The following GPSM1 variants were observed in gnomAD, a reference collection of about 807,000 sequenced individuals.
The protein encoded by GPSM1 is G protein signaling modulator 1.
GPSM1 carries 48 observed loss-of-function variants against 70.5 expected under a neutral mutation model. The observed-to-expected ratio is 0.68, with a 90% CI of 0.54 to 0.87. The LOEUF (loss-of-function observed/expected upper bound fraction) is 0.87. Among genes scored for constraint, GPSM1 ranks in the 40% least tolerant of loss-of-function variants. The probability of loss-of-function intolerance (pLI) is 0.00; values close to 1 mark genes in which losing one functional copy is unlikely to be tolerated. For synonymous variants in GPSM1, 416 were observed against 430.1 expected, an observed-to-expected ratio of 0.97 and a Z score of 0.41; for missense variants, 981 against 972.6, an observed-to-expected ratio of 1.01 and a Z score of -0.11.
intron 5 of GPSM1, 82 bp from the exon 6 acceptor site, chr9:136,337,764 G>A (rs2131398198): frequency 8.5e-7 from 1 of 1,170,318 alleles, no homozygotes. Context: ...CCGGCCACCT[G>A]GGCAGGGAGG....
At chr9:136,337,635 C>A in intron 5 of GPSM1, 71 bp downstream of exon 5, 2 of 1,447,820 alleles carry the variant, frequency 1.4e-6, no homozygotes, top group Non-Finnish European at 1.9e-6. Context: ...ACCCTCTTGG[C>A]GGTCCCTGAA....
rs1028511568 is a variant in GPSM1 at position 136,345,353 on chromosome 9, C to T, written c.1208-3344C>T. ...GAGACAGGAAGCCAAGCCAGTGGGC[C>T]GGGCCTGTCTGGGCAGCTCAGCCAA... On this transcript the variant is annotated intron_variant, in intron 9 of 13. Coordinates refer to ENST00000440944, the MANE Select transcript of GPSM1 (RefSeq NM_001145638.3). 5.3e-5 allele frequency among the ~76,000 whole-genome samples: 8 copies of T among 152,218 alleles called. 1 individual carries two copies. The highest frequency in any genetic ancestry group is 3.3e-4 in the Admixed American group (5 of 15,290).
chr9:136,339,202 G>C (rs1325243581), intron 7 of GPSM1, among the ~76,000 whole-genome samples: 1 of 152,268 alleles, frequency 6.6e-6, no homozygotes, highest in Non-Finnish European at 1.5e-5. Flanking sequence ...TTCTGGAATA[G>C]ACAGAGGTGC....
intron 11 of GPSM1, among the ~76,000 whole-genome samples, chr9:136,350,274 G>A (rs1282049932): frequency 6.6e-6 from 1 of 152,248 alleles, no homozygotes; most frequent in Non-Finnish European, 1.5e-5. Flanking sequence ...GGTGGCTCTT[G>A]GAGGCTCTGG....
In GPSM1 at chr9:136,335,947, A is replaced by G; in HGVS notation, c.291-19A>G. 2 of 1,608,988 alleles carry G rather than the reference A, an allele frequency of 1.2e-6. No homozygotes were observed. Among genetic ancestry groups the G allele is most frequent in the Non-Finnish European group, 1.7e-6 (2 of 1,178,326 alleles). ...TGACCAGTCCTCAGCCTGACCCCTC[A>G]CTCCTCCCTGCCATCCAGGACCATC... On this transcript the variant is annotated intron_variant, in intron 2 of 13. Coordinates refer to ENST00000440944, the MANE Select transcript of GPSM1 (RefSeq NM_001145638.3).
At chr9:136,352,225 C>CA (rs1832688871) in intron 11 of GPSM1, among the ~76,000 whole-genome samples, 2 of 61,516 alleles carry the variant, frequency 3.3e-5, no homozygotes, top group African/African-American at 6.9e-5. Flanking sequence ...TTGGTGACAC[C>CA]GATGCTGCGC....
intron 11 of GPSM1, chr9:136,353,013 C>A: frequency 1.2e-6 from 1 of 854,550 alleles, no homozygotes; most frequent in Non-Finnish European, 1.4e-6. Flanking sequence ...CTATTTAAGC[C>A]TCAGGCATCC....
At chr9:136,346,496 A>G (rs1056028354) in intron 9 of GPSM1, among the ~76,000 whole-genome samples, 3 of 152,244 alleles carry the variant, frequency 2.0e-5, no homozygotes, top group Non-Finnish European at 4.4e-5. Context: ...GCTGTCCACC[A>G]GGTGCCTTCT....
In GPSM1 at chr9:136,358,634, T is replaced by C. The variant is rs1832912469; in HGVS notation, c.*414T>C. On this transcript the variant is annotated 3_prime_UTR_variant, in exon 14 of 14. Transcript: ENST00000440944. ...GGGGCCACCAAGGACAGGGCCATGTTCTGTCCCCCCAGAGCTGGTCTTGGG... is the reference window on the plus strand; with the variant it reads ...GGGGCCACCAAGGACAGGGCCATGTCCTGTCCCCCCAGAGCTGGTCTTGGG... 3.4e-6 allele frequency: 1 copy of C among 291,500 alleles called. No homozygotes were observed. The highest frequency in any genetic ancestry group is 2.3e-5 in the African/African-American group (1 of 43,250). The allele number at this position is 291,500 out of a possible 1,614,324, so 18.1% of individuals were successfully genotyped here.
chr9:136,357,019 C>T (rs1204790447), intron 13 of GPSM1, among the ~76,000 whole-genome samples: 1 of 152,214 alleles, frequency 6.6e-6, no homozygotes, highest in East Asian at 1.9e-4. Context: ...ACACAGTGGA[C>T]GGCATGGGCG....
intron 11 of GPSM1, among the ~76,000 whole-genome samples, chr9:136,354,460 A>G (rs1036414737): frequency 7.9e-5 from 12 of 152,040 alleles, no homozygotes; most frequent in African/African-American, 1.2e-4. Context: ...GGGAGGTGCC[A>G]TCTCCACCAA....
At chr9:136,331,070 C>T (rs924586692) in intron 1 of GPSM1, among the ~76,000 whole-genome samples, 1 of 152,214 alleles carries the variant, frequency 6.6e-6, no homozygotes, top group Non-Finnish European at 1.5e-5. Context: ...GACCTGCCCC[C>T]CCAGTCCCCC....
In GPSM1 at chr9:136,356,495, A is replaced by G; in HGVS notation, c.1766A>G (p.His589Arg). The G allele has an allele frequency of 1.9e-6, 3 of 1,611,898 alleles. No homozygotes were observed. The highest frequency in any genetic ancestry group is 2.5e-6 in the Non-Finnish European group (3 of 1,179,360). The change falls in exon 13 of 14, where the codon CAC (histidine) becomes CGC (arginine). Residue 589 changes from histidine to arginine, a missense_variant. Physicochemically the swap from His to Arg is conservative, Grantham distance 29. Coordinates refer to ENST00000440944, the MANE Select transcript of GPSM1 (RefSeq NM_001145638.3). ...THSNAGHLRGHGEPQEPGDDF... is the reference protein window; with the variant it reads ...THSNAGHLRGRGEPQEPGDDF... ...AGCAATGCAGGGCACCTCCGAGGCC[A>G]CGGCGAGCCCCAGGAGCCGGGGGAC...
chr9:136,352,942 T>C, intron 11 of GPSM1: 1 of 196,132 alleles, frequency 5.1e-6, no homozygotes, highest in Non-Finnish European at 9.3e-6. Context: ...AGCCTGTGTG[T>C]GTGCACGCAC....
chr9:136,356,691 C>T (rs1832839339), intron 13 of GPSM1, 141 bp downstream of exon 13: 2 of 641,238 alleles, frequency 3.1e-6, no homozygotes, highest in Non-Finnish European at 5.4e-6. Context: ...GGGGACTCAG[C>T]CAGTGTCACC....
intron 3 of GPSM1, 139 bp downstream of exon 3, chr9:136,336,240 C>T (rs944362429): frequency 1.9e-6 from 2 of 1,030,938 alleles, no homozygotes; most frequent in Admixed American, 2.2e-5. Flanking sequence ...TCCCCTAGAT[C>T]CCGAGTGACT....
At chr9:136,354,801 G>C in intron 11 of GPSM1, 1 of 986,886 alleles carries the variant, frequency 1.0e-6, no homozygotes, top group Non-Finnish European at 1.2e-6. Context: ...GCAGACACCG[G>C]TGAGGGCTGT....
rs539775258 is a variant in GPSM1 at position 136,358,032 on chromosome 9, C to T, written c.1840C>T (p.Gln614Ter). ...IKYQSSRIDDQRCPPPDVLPR... is the reference protein window; with the variant it reads ...IKYQSSRIDD The stretch of plus-strand genomic sequence containing the variant: ...CACCCAGTCCTCCAGGATCGATGAC[C>T]AGCGCTGCCCGCCACCTGACGTACT... Residue 614 changes from glutamine to a stop codon, truncating the protein, a stop_gained, in exon 14 of 14, where the codon CAG (glutamine) becomes TAG (stop). Coordinates refer to ENST00000440944, the MANE Select transcript of GPSM1 (RefSeq NM_001145638.3). LOFTEE classifies it high-confidence loss of function. The T allele has an allele frequency of 6.2e-7, 1 of 1,612,496 alleles. No individual in the cohort carries two copies. The highest frequency in any genetic ancestry group is 8.5e-7 in the Non-Finnish European group (1 of 1,179,744).
chr9:136,355,103 G>A (rs1158347445), intron 11 of GPSM1: 1 of 174,848 alleles, frequency 5.7e-6, no homozygotes, highest in Non-Finnish European at 7.1e-6. Flanking sequence ...GCCGGGTGCC[G>A]AGGGTGGTGA....
Sources: gnomAD v4.1 joint callset for allele counts (sites outside exome capture counted in the v4.1 genomes callset) on GRCh38, gnomAD v4.1.1 for gene constraint, MANE v1.5 for transcripts, NCBI Gene and HGNC (gene_info 2026-07-23, HGNC 2026-07-21) for gene names.